NOVA1: variants seen among roughly 807,000 people sequenced by gnomAD.
The protein encoded by NOVA1 is NOVA alternative splicing regulator 1.
A neutral mutation model predicts 38.0 loss-of-function variants in NOVA1; 7 were observed. The ratio of observed to expected loss-of-function variants is 0.18; its 90% CI spans 0.10 to 0.35. NOVA1 has a LOEUF of 0.35. NOVA1 is among the 10% of genes least tolerant of loss of function. The pLI, the probability that NOVA1 is intolerant of heterozygous loss-of-function variation, is 1.00. For synonymous variants in NOVA1, 270 were observed against 232.5 expected (o/e 1.16, Z -1.47); for missense variants, 460 against 616.0 (o/e 0.75, Z 2.68).
chr14:26,502,641 A>G (rs1056724767), intron 2 of NOVA1, among the ~76,000 whole-genome samples: 3 of 151,108 alleles, frequency 2.0e-5, no homozygotes, highest in Admixed American at 6.6e-5. Flanking sequence ...AGTTAACTAT[A>G]TTGCAGAAAC....
intron 4 of NOVA1, among the ~76,000 whole-genome samples, chr14:26,454,166 A>AG (rs1399851139): frequency 3.9e-5 from 6 of 152,276 alleles, no homozygotes; most frequent in South Asian, 4.1e-4. Context: ...AAAAATGCAA[A>AG]GAAAAAAAAA....
At chr14:26,502,621 G>GCCTACTTAT (rs1297717672) in intron 2 of NOVA1, among the ~76,000 whole-genome samples, 1 of 141,484 alleles carries the variant, frequency 7.1e-6, no homozygotes, top group Non-Finnish European at 1.5e-5. Flanking sequence ...AAAAAAAAAA[G>GCCTACTTAT]CCTACTTATA....
intron 2 of NOVA1, among the ~76,000 whole-genome samples, chr14:26,504,628 C>T (rs1314281469): frequency 1.3e-5 from 2 of 152,162 alleles, no homozygotes; most frequent in African/African-American, 4.8e-5. Flanking sequence ...CTTACCTATG[C>T]TATACATTAT....
intron 1 of NOVA1, chr14:26,596,819 C>T: frequency 8.7e-7 from 1 of 1,145,704 alleles, no homozygotes; most frequent in Non-Finnish European, 1.1e-6. Flanking sequence ...TGGCCCAAAG[C>T]AAGAGGATGG....
At chr14:26,546,558 C>A (rs1241707850) in intron 2 of NOVA1, among the ~76,000 whole-genome samples, 1 of 152,044 alleles carries the variant, frequency 6.6e-6, no homozygotes, top group Non-Finnish European at 1.5e-5. Flanking sequence ...ATAAATTCTG[C>A]AATGAAAAAT....
At chr14:26,489,196 T>A (rs968429981) in intron 2 of NOVA1, among the ~76,000 whole-genome samples, 6 of 152,152 alleles carry the variant, frequency 3.9e-5, no homozygotes, top group African/African-American at 1.4e-4. Flanking sequence ...TAGACAAAAT[T>A]AAGCAGTAAC....
chr14:26,565,425 T>C (rs540191264), intron 2 of NOVA1, among the ~76,000 whole-genome samples: 4 of 152,262 alleles, frequency 2.6e-5, no homozygotes, highest in East Asian at 3.9e-4. Context: ...TGTTCTCTTG[T>C]ACCCACTGCT....
At chr14:26,465,697 A>T (rs935951754) in intron 4 of NOVA1, among the ~76,000 whole-genome samples, 12 of 144,426 alleles carry the variant, frequency 8.3e-5, no homozygotes, top group Non-Finnish European at 1.8e-4. Context: ...CAAATATTGT[A>T]AAAAAAAAGA....
intron 2 of NOVA1, chr14:26,594,603 G>T (rs780576163): frequency 6.6e-6 from 1 of 151,940 alleles, no homozygotes; most frequent in African/African-American, 2.4e-5. Flanking sequence ...CTCAATTACA[G>T]AGACTTTTCC....
intron 2 of NOVA1, among the ~76,000 whole-genome samples, chr14:26,483,603 T>C (rs182830287): frequency 3.3e-4 from 51 of 152,326 alleles, no homozygotes; most frequent in African/African-American, 1.1e-3. Flanking sequence ...CCAAACATTA[T>C]ATGCTTCTTG....
rs577863011 is a variant in NOVA1, at chr14:26,592,091, G to A, written c.280+3319C>T. ...ATGTTCTAAAATCTAAGGAATACAC[G>A]AAAATATTTATTGCATACATCCGTT... On this transcript the variant is annotated intron_variant, in intron 2 of 4. Coordinates refer to ENST00000539517, the MANE Select transcript of NOVA1 (RefSeq NM_002515.3). Among the ~76,000 whole-genome samples the A allele has an allele frequency of 1.1e-4, 17 of 151,364 alleles. No homozygotes were observed. In the East Asian group the frequency reaches 2.1e-3, roughly 19 times the overall value.
chr14:26,536,580 C>T (rs551145760), intron 2 of NOVA1, among the ~76,000 whole-genome samples: 2 of 149,634 alleles, frequency 1.3e-5, no homozygotes, highest in East Asian at 2.0e-4. Flanking sequence ...AAAAATAAAG[C>T]GAGAACTTCT....
At chr14:26,493,764 A>T (rs1886537224) in intron 2 of NOVA1, among the ~76,000 whole-genome samples, 1 of 151,992 alleles carries the variant, frequency 6.6e-6, no homozygotes, top group African/African-American at 2.4e-5. Flanking sequence ...CTCTCCCTGC[A>T]GTTTTTGATC....
chr14:26,448,257 G>C lies in NOVA1; in HGVS notation c.1226C>G (p.Ala409Gly), dbSNP rs747783515. 6.2e-7 allele frequency: 1 copy of C among 1,614,172 alleles called. No individual in the cohort carries two copies. ...TGTGGACTTTTCTGTTCCTAGAATGGCACTGGCAGCTAGGGGAGAAGCAGC... is the reference window on the plus strand; with the variant it reads ...TGTGGACTTTTCTGTTCCTAGAATGCCACTGGCAGCTAGGGGAGAAGCAGC... ...FGAASPLAAS[A>G]ILGTEKSTDG... is the part of the protein sequence containing the mutation. The change falls in exon 5 of 5, where the codon GCC becomes GGC. Residue 409 changes from alanine to glycine, a missense_variant. By Grantham distance (60) the Ala-to-Gly change is moderately conservative. Coordinates refer to ENST00000539517, the MANE Select transcript of NOVA1 (RefSeq NM_002515.3). This position sits in a 1 kb window ranked among gnomAD's most constrained non-coding sequence, Gnocchi z 5.3.
intron 2 of NOVA1, among the ~76,000 whole-genome samples, chr14:26,543,099 TC>T (rs2138606178): frequency 6.6e-6 from 1 of 152,150 alleles, no homozygotes; most frequent in South Asian, 2.1e-4. Context: ...ATCCCAATTG[TC>T]CTGATTTGAT....
intron 2 of NOVA1, chr14:26,593,791 A>G (rs1158159953): frequency 6.6e-6 from 1 of 151,978 alleles, no homozygotes; most frequent in Non-Finnish European, 1.5e-5. Context: ...AACTATATTC[A>G]AATGAAAAGG....
intron 2 of NOVA1, among the ~76,000 whole-genome samples, chr14:26,576,930 T>C (rs920412717): frequency 6.6e-6 from 1 of 151,924 alleles, no homozygotes; most frequent in Non-Finnish European, 1.5e-5. Flanking sequence ...ATTAACTATA[T>C]CCTCATATTG....
intron 2 of NOVA1, among the ~76,000 whole-genome samples, chr14:26,535,960 C>T (rs1166338053): frequency 8.6e-6 from 1 of 116,076 alleles, no homozygotes; most frequent in Non-Finnish European, 1.7e-5. Context: ...GCCTGGGCAA[C>T]AAAGCGAGAC....
chr14:26,584,066 T>A (rs1893378579), intron 2 of NOVA1, among the ~76,000 whole-genome samples: 1 of 151,476 alleles, frequency 6.6e-6, no homozygotes, highest in South Asian at 2.1e-4. Flanking sequence ...CTGCTATGAA[T>A]CAAAAGCAAA....
Sources: allele counts gnomAD v4.1 joint callset (sites outside exome capture counted in the v4.1 genomes callset), GRCh38; gene constraint gnomAD v4.1.1; non-coding constraint Gnocchi (gnomAD v3.1); transcripts MANE v1.5; gene names NCBI Gene and HGNC (gene_info 2026-07-23, HGNC 2026-07-21).